SPAG16: variants seen among roughly 807,000 people sequenced by gnomAD.
SPAG16 encodes sperm-associated antigen 16 protein.
In SPAG16, 86 loss-of-function variants were observed where a neutral mutation model predicts 80.4. The observed-to-expected ratio is 1.07, with a 90% confidence interval of 0.90 to 1.28. The LOEUF is 1.28. Ranked by LOEUF, SPAG16 falls within the 50% of genes most tolerant of loss-of-function variation. SPAG16 has a pLI of 0.00. For synonymous variants in SPAG16, 294 were observed against 265.9 expected (o/e 1.11, Z -1.03); for missense variants, 870 against 765.3 (o/e 1.14, Z -1.61).
chr2:213,302,728 A>G (rs1048408610), intron 3 of SPAG16: 7 of 152,000 alleles, frequency 4.6e-5, no homozygotes, highest in Non-Finnish European at 7.4e-5. Flanking sequence ...ATTGTACAGT[A>G]TAAATAAGAA....
At chr2:214,295,753 C>T (rs186320700) in intron 15 of SPAG16, among the ~76,000 whole-genome samples, 6 of 151,734 alleles carry the variant, frequency 4.0e-5, no homozygotes, top group African/African-American at 7.3e-5. Context: ...ATCAAGCCAC[C>T]GAATTCCAGC....
At chr2:213,898,421 GT>G (rs2077080380) in intron 11 of SPAG16, among the ~76,000 whole-genome samples, 1 of 152,104 alleles carries the variant, frequency 6.6e-6, no homozygotes, top group Non-Finnish European at 1.5e-5. Context: ...TCCTGGTGAA[GT>G]ATATCTGATC....
intron 10 of SPAG16, among the ~76,000 whole-genome samples, chr2:213,751,204 C>T (rs1285386245): frequency 6.6e-6 from 1 of 151,358 alleles, no homozygotes; most frequent in South Asian, 2.1e-4. Context: ...ACTATAGTTG[C>T]TGCCTCTACA....
At chr2:213,548,461 T>C (rs539319587) in intron 10 of SPAG16, among the ~76,000 whole-genome samples, 1 of 152,338 alleles carries the variant, frequency 6.6e-6, no homozygotes, top group Non-Finnish European at 1.5e-5. Context: ...TCTGCCCGCC[T>C]CGGCCTTCCA....
At chr2:214,171,212 T>A (rs2125634182) in intron 15 of SPAG16, among the ~76,000 whole-genome samples, 1 of 152,060 alleles carries the variant, frequency 6.6e-6, no homozygotes, top group South Asian at 2.1e-4. Flanking sequence ...GGTACAGGTC[T>A]GGCCACTTTT....
intron 9 of SPAG16, among the ~76,000 whole-genome samples, chr2:213,428,373 A>G (rs1347400222): frequency 6.6e-6 from 1 of 152,202 alleles, no homozygotes; most frequent in East Asian, 1.9e-4. Context: ...GAGAAGGGAC[A>G]TCACTAGGAA....
At chr2:213,377,643 C>T (rs1432464541) in intron 9 of SPAG16, among the ~76,000 whole-genome samples, 1 of 151,044 alleles carries the variant, frequency 6.6e-6, no homozygotes, top group Non-Finnish European at 1.5e-5. Flanking sequence ...TTTCCTCTTA[C>T]TTTTTCCCTC....
intron 10 of SPAG16, among the ~76,000 whole-genome samples, chr2:213,806,006 C>A (rs1011221408): frequency 6.6e-6 from 1 of 151,362 alleles, no homozygotes; most frequent in Non-Finnish European, 1.5e-5. Context: ...TGCTGGAAAT[C>A]GCTTTATATG....
intron 15 of SPAG16, among the ~76,000 whole-genome samples, chr2:214,391,687 AAAG>A (rs2126128227): frequency 6.6e-6 from 1 of 152,316 alleles, no homozygotes; most frequent in African/African-American, 2.4e-5. Context: ...TCAAATGCCT[AAAG>A]AAGACGACTT....
At chr2:214,026,282 T>C (rs556911686) in intron 13 of SPAG16, among the ~76,000 whole-genome samples, 1 of 151,614 alleles carries the variant, frequency 6.6e-6, no homozygotes, top group African/African-American at 2.4e-5. Context: ...ACCATGTGTA[T>C]ATTTTTATTA....
At chr2:214,162,713 C>G (rs755026632) in intron 15 of SPAG16, among the ~76,000 whole-genome samples, 1 of 151,856 alleles carries the variant, frequency 6.6e-6, no homozygotes, top group Non-Finnish European at 1.5e-5. Flanking sequence ...TTTTTGTTGC[C>G]GTGATGTTCT....
chr2:214,182,430 C>T (rs1417776520), intron 15 of SPAG16, among the ~76,000 whole-genome samples: 4 of 151,772 alleles, frequency 2.6e-5, no homozygotes, highest in African/African-American at 7.2e-5. Flanking sequence ...CTAATATGTG[C>T]GTTACACAAC....
At chr2:213,400,678 A>G (rs978574980) in intron 9 of SPAG16, among the ~76,000 whole-genome samples, 1 of 152,190 alleles carries the variant, frequency 6.6e-6, no homozygotes, top group Non-Finnish European at 1.5e-5. Context: ...AGATGTTACC[A>G]TGAAACTAAA....
chr2:213,616,557 A>T (rs1217899750), intron 10 of SPAG16, among the ~76,000 whole-genome samples: 1 of 152,202 alleles, frequency 6.6e-6, no homozygotes, highest in African/African-American at 2.4e-5. Context: ...GGAAGCCAGA[A>T]AGTCTAGCTT....
At chr2:214,168,584 C>T (rs12996364) in intron 15 of SPAG16, among the ~76,000 whole-genome samples, 28,973 of 151,794 alleles carry the variant, frequency 0.19, 3,050 homozygotes, top group African/African-American at 0.28. Context: ...AGTGGATAGT[C>T]ATATTTTAGA....
chr2:214,150,349 C>G (rs1355827984), intron 15 of SPAG16, among the ~76,000 whole-genome samples: 1 of 151,858 alleles, frequency 6.6e-6, no homozygotes, highest in Admixed American at 6.6e-5. Flanking sequence ...GCATATGAAC[C>G]ACACTAGTAA....
Position 213,317,262 on chromosome 2 carries a change from G to C in SPAG16, c.442G>C (p.Gly148Arg). 2 of 1,609,240 alleles carry C rather than the reference G, an allele frequency of 1.2e-6. No homozygotes were observed. The highest frequency in any genetic ancestry group is 1.7e-6 in the Non-Finnish European group (2 of 1,177,188). Residue 148 changes from glycine (G) to arginine (R), a missense_variant, in exon 5 of 16, where the codon GGG becomes CGG. By Grantham distance (125) the Gly-to-Arg change is moderately radical. Transcript: ENST00000331683. ...QKGVTELRTV[G>R]NVPDVYTQIM... The stretch of plus-strand genomic sequence containing the variant: ...AGGAGTGACTGAACTTAGAACTGTT[G>C]GGAATGTTCCAGATGTCTACACCCA...
chr2:214,320,875 C>A (rs538507307), intron 15 of SPAG16, among the ~76,000 whole-genome samples: 5 of 152,270 alleles, frequency 3.3e-5, no homozygotes, highest in African/African-American at 1.2e-4. Context: ...GCTCAATAAA[C>A]ATTGTGAAAT....
intron 12 of SPAG16, among the ~76,000 whole-genome samples, chr2:213,958,812 A>T (rs2044274569): frequency 6.6e-6 from 1 of 152,116 alleles, no homozygotes; most frequent in African/African-American, 2.4e-5. Flanking sequence ...CTATAACATT[A>T]GCTTTTGTAA....
Sources: gnomAD v4.1 joint callset for allele counts (sites outside exome capture counted in the v4.1 genomes callset) on GRCh38, gnomAD v4.1.1 for gene constraint, MANE v1.5 for transcripts, NCBI Gene and HGNC (gene_info 2026-07-23, HGNC 2026-07-21) for gene names.